Variants in NEGR1 observed in about 807,000 individuals in gnomAD.
NEGR1 encodes the protein neuronal growth regulator 1, also known as IgLON family member 4.
Under a neutral mutation model 40.9 loss-of-function variants are expected in NEGR1, and 10 were observed. The ratio of observed to expected loss-of-function variants is 0.24; its 90% CI spans 0.15 to 0.42. NEGR1 has a LOEUF of 0.42. NEGR1 is among the 10% of genes least tolerant of loss of function. The probability of loss-of-function intolerance (pLI) is 1.00; values close to 1 mark genes in which losing one functional copy is unlikely to be tolerated. For missense variants in NEGR1, 352 were observed against 438.9 expected (o/e 0.80, Z 1.77); for synonymous variants, 185 against 166.8 (o/e 1.11, Z -0.84).
At chr1:71,598,283 C>T (rs758613493) in intron 5 of NEGR1, among the ~76,000 whole-genome samples, 2 of 152,012 alleles carry the variant, frequency 1.3e-5, no homozygotes, top group Non-Finnish European at 1.5e-5. Flanking sequence ...TCGAGTCAAG[C>T]CAAGGAATAA....
At chr1:72,234,989 T>C (rs1194458479) in intron 1 of NEGR1, among the ~76,000 whole-genome samples, 3 of 152,102 alleles carry the variant, frequency 2.0e-5, no homozygotes, top group Admixed American at 6.6e-5. Context: ...CAACACTATT[T>C]AAATTAGCAA....
At chr1:71,752,006 G>C (rs1294635118) in intron 3 of NEGR1, among the ~76,000 whole-genome samples, 2 of 152,104 alleles carry the variant, frequency 1.3e-5, no homozygotes, top group Admixed American at 1.3e-4. Flanking sequence ...AAAACATGTT[G>C]ATATATTTAA....
intron 1 of NEGR1, among the ~76,000 whole-genome samples, chr1:71,998,414 A>G (rs1433036868): frequency 6.6e-6 from 1 of 151,986 alleles, no homozygotes; most frequent in Non-Finnish European, 1.5e-5. Context: ...AAATTCCACA[A>G]TCGCTGGCAT....
At chr1:72,137,164 C>G (rs1570024247) in intron 1 of NEGR1, among the ~76,000 whole-genome samples, 1 of 152,112 alleles carries the variant, frequency 6.6e-6, no homozygotes, top group African/African-American at 2.4e-5. Flanking sequence ...TAAATTAGTT[C>G]AACCATTGTG....
In NEGR1 at chr1:72,189,207, A is replaced by G. The variant is rs546144483; in HGVS notation, c.176+93112T>C. 1.5e-4 allele frequency among the ~76,000 whole-genome samples: 23 copies of G among 151,532 alleles called. 1 individual carries two copies. The highest frequency in any genetic ancestry group is 5.8e-4 in the East Asian group (3 of 5,152). Reference sequence around the variant, plus strand: ...AAATATGTAATTACGTTTTTGAGCTATGTACTCATTCTTGGAATGTTCTCT... The same window carrying G: ...AAATATGTAATTACGTTTTTGAGCTGTGTACTCATTCTTGGAATGTTCTCT... On this transcript the variant is annotated intron_variant, in intron 1 of 6. Coordinates refer to ENST00000357731, the MANE Select transcript of NEGR1 (RefSeq NM_173808.3).
chr1:71,952,247 T>G (rs951482289), intron 1 of NEGR1, among the ~76,000 whole-genome samples: 1 of 151,964 alleles, frequency 6.6e-6, no homozygotes, highest in Non-Finnish European at 1.5e-5. Flanking sequence ...AAATGGTGAA[T>G]GTAAAGCTAA....
At chr1:72,263,739 C>T (rs537556327) in intron 1 of NEGR1, among the ~76,000 whole-genome samples, 2 of 151,386 alleles carry the variant, frequency 1.3e-5, no homozygotes, top group East Asian at 3.9e-4. Context: ...TCTTTTGGCA[C>T]ACACACACAA....
chr1:71,977,045 G>A (rs958155443), intron 1 of NEGR1, among the ~76,000 whole-genome samples: 1 of 152,152 alleles, frequency 6.6e-6, no homozygotes, highest in Non-Finnish European at 1.5e-5. Context: ...GAAAGTGGCT[G>A]GGAGTGGTGG....
chr1:71,505,658 C>T (rs755830969), intron 6 of NEGR1, among the ~76,000 whole-genome samples: 4 of 152,170 alleles, frequency 2.6e-5, no homozygotes, highest in Non-Finnish European at 5.9e-5. Context: ...GCATTTTGGG[C>T]AGTCCCTTCT....
intron 1 of NEGR1, among the ~76,000 whole-genome samples, chr1:72,141,404 C>T (rs1040253429): frequency 5.3e-5 from 8 of 151,898 alleles, no homozygotes; most frequent in Admixed American, 1.3e-4. Context: ...ATAAAAAATA[C>T]CAAAATCATA....
chr1:71,902,668 C>T (rs1661172913), intron 2 of NEGR1, among the ~76,000 whole-genome samples: 1 of 152,090 alleles, frequency 6.6e-6, no homozygotes, highest in Non-Finnish European at 1.5e-5. Context: ...AACTTCAGGA[C>T]ATACTTAATT....
intron 1 of NEGR1, among the ~76,000 whole-genome samples, chr1:72,194,300 A>C (rs1652925115): frequency 6.6e-6 from 1 of 151,960 alleles, no homozygotes; most frequent in African/African-American, 2.4e-5. Context: ...TGTATAAGGT[A>C]CTATTCAGGA....
At chr1:72,126,001 A>G (rs749455546) in intron 1 of NEGR1, among the ~76,000 whole-genome samples, 1 of 152,028 alleles carries the variant, frequency 6.6e-6, no homozygotes, top group Non-Finnish European at 1.5e-5. Flanking sequence ...GCGAATAGCA[A>G]TAACACTAAA....
At chr1:72,063,052 A>T (rs1162583712) in intron 1 of NEGR1, among the ~76,000 whole-genome samples, 6 of 151,952 alleles carry the variant, frequency 3.9e-5, no homozygotes, top group Non-Finnish European at 8.8e-5. Context: ...TTGATTTTAG[A>T]AGTCTCGAAT....
chr1:71,844,955 G>A (rs1370619559), intron 2 of NEGR1, among the ~76,000 whole-genome samples: 2 of 152,092 alleles, frequency 1.3e-5, no homozygotes, highest in Non-Finnish European at 1.5e-5. Flanking sequence ...GTTCAGATTT[G>A]CAGACAGAAA....
intron 3 of NEGR1, among the ~76,000 whole-genome samples, chr1:71,705,919 C>G (rs1653880136): frequency 7.0e-6 from 1 of 142,096 alleles, no homozygotes; most frequent in Admixed American, 7.3e-5. Flanking sequence ...CAGACCAAGA[C>G]AGCAGAATAG....
At chr1:71,519,727 A>ACT in intron 6 of NEGR1, among the ~76,000 whole-genome samples, 1 of 82,268 alleles carries the variant, frequency 1.2e-5, no homozygotes, top group Non-Finnish European at 2.5e-5. Context: ...CTTAGAGTAT[A>ACT]ATAAAAAAAA....
intron 4 of NEGR1, among the ~76,000 whole-genome samples, chr1:71,636,268 A>G (rs1002502164): frequency 7.9e-5 from 12 of 152,218 alleles, no homozygotes; most frequent in African/African-American, 1.9e-4. Context: ...GAAGAAAATC[A>G]TTTCTATTTT....
intron 1 of NEGR1, among the ~76,000 whole-genome samples, chr1:72,177,598 T>G (rs1652221755): frequency 6.6e-6 from 1 of 152,054 alleles, no homozygotes; most frequent in African/African-American, 2.4e-5. Context: ...TTATTCATAC[T>G]GCCTATTTTT....
Sources: allele counts gnomAD v4.1 joint callset (sites outside exome capture counted in the v4.1 genomes callset), GRCh38; gene constraint gnomAD v4.1.1; transcripts MANE v1.5; gene names NCBI Gene and HGNC (gene_info 2026-07-23, HGNC 2026-07-21).